Variants in SMAGP observed in about 807,000 individuals in gnomAD.
The protein encoded by SMAGP is small cell transmembrane and glycosylated protein.
A neutral mutation model predicts 10.1 loss-of-function variants in SMAGP; 7 were observed. The observed-to-expected ratio is 0.70, with a 90% CI of 0.40 to 1.31. SMAGP has a LOEUF of 1.31. Among genes scored for constraint, SMAGP ranks in the 50% most tolerant of loss-of-function variants. The probability of loss-of-function intolerance (pLI) is 0.01; values close to 1 mark genes in which losing one functional copy is unlikely to be tolerated. For synonymous variants in SMAGP, 49 were observed against 47.2 expected, an observed-to-expected ratio of 1.04 and a Z score of -0.16; for missense variants, 113 against 116.5, an observed-to-expected ratio of 0.97 and a Z score of 0.14.
chr12:51,247,902 C>T (rs1012707199), intron 2 of SMAGP, among the ~76,000 whole-genome samples: 1 of 152,162 alleles, frequency 6.6e-6, no homozygotes, highest in Non-Finnish European at 1.5e-5. Flanking sequence ...AGTGTGCAGC[C>T]GAGGGGCCTG....
chr12:51,268,584 T>TCCCTCCTCCC (rs1292354849), intron 2 of SMAGP, among the ~76,000 whole-genome samples: 90 of 22,194 alleles, frequency 4.1e-3, no homozygotes, highest in South Asian at 6.2e-3. Context: ...CTTCCTTTCC[T>TCCCTCCTCCC]TTCCTCCCTC....
chr12:51,260,908 G>T (rs972295195), intron 2 of SMAGP, among the ~76,000 whole-genome samples: 8 of 149,422 alleles, frequency 5.4e-5, no homozygotes, highest in African/African-American at 2.0e-4. Flanking sequence ...GGATGGTCTC[G>T]ATCTCCTGAC....
At chr12:51,252,124 C>T (rs1352715179) in intron 2 of SMAGP, among the ~76,000 whole-genome samples, 2 of 150,420 alleles carry the variant, frequency 1.3e-5, no homozygotes, top group East Asian at 1.9e-4. Context: ...GACAGAGTCT[C>T]GCTCTGTCAC....
intron 2 of SMAGP, among the ~76,000 whole-genome samples, chr12:51,263,185 C>T (rs4761966): frequency 0.66 from 100,498 of 151,842 alleles, 37,411 homozygotes; most frequent in Non-Finnish European, 0.85. Flanking sequence ...AAGTTCGAGA[C>T]CAGTCTGGCC....
In SMAGP at chr12:51,246,734, G is replaced by A; in HGVS notation, c.115+17C>T. On this transcript the variant is annotated intron_variant, in intron 3 of 3. Coordinates refer to ENST00000603798, the MANE Select transcript of SMAGP (RefSeq NM_001031628.2). ...TTGATCCAGAAGGTCCCTTGGAGTT[G>A]GCTCAGAGTCTATTACCTGCAATGA... 2 of 1,543,996 alleles carry A rather than the reference G, an allele frequency of 1.3e-6. No individual in the cohort carries two copies. Among genetic ancestry groups the A allele is most frequent in the South Asian group, 1.2e-5 (1 of 81,072 alleles).
In SMAGP at chr12:51,245,815, G is replaced by T. The variant is rs1944760501; in HGVS notation, c.*126C>A. The T allele has an allele frequency of 1.8e-6, 2 of 1,106,732 alleles. No homozygotes were observed. Among genetic ancestry groups the T allele is most frequent in the Non-Finnish European group, 2.5e-6 (2 of 784,746 alleles). The allele number at this position is 1,106,732 out of a possible 1,614,324, so 68.6% of individuals were successfully genotyped here. ...TGTCGGCATTTGGGACTGCGACCTG[G>T]CTGGAGCTTGGATTTGCCCACATCA... On this transcript the variant is annotated 3_prime_UTR_variant, in exon 4 of 4. Transcript: ENST00000603798.
chr12:51,250,783 C>T (rs961837050), intron 2 of SMAGP, among the ~76,000 whole-genome samples: 2 of 152,114 alleles, frequency 1.3e-5, no homozygotes, highest in Admixed American at 6.6e-5. Flanking sequence ...TTGAGCATGC[C>T]TCTCCTCTGG....
intron 2 of SMAGP, among the ~76,000 whole-genome samples, chr12:51,267,273 AAAT>A (rs1338890628): frequency 6.6e-6 from 1 of 152,074 alleles, no homozygotes; most frequent in Non-Finnish European, 1.5e-5. Flanking sequence ...CCTCCAGGGT[AAAT>A]CGTCTCTGTA....
Position 51,248,898 on chromosome 12 carries a change from CACAAAAAAAAAAA to C in SMAGP, c.35-2080_35-2068del, listed in dbSNP as rs1341888598. Among the ~76,000 whole-genome samples the C allele has an allele frequency of 1.0e-3, 55 of 53,782 alleles. 1 individual carries two copies. In the South Asian group the frequency reaches 0.023, roughly 22 times the overall value. 35.3% of individuals were successfully genotyped at this position (53,782 alleles called of 152,430 possible). A position where few individuals can be genotyped will look rare whatever the true frequency, so the allele number is the denominator to read the frequency against. On this transcript the variant is annotated intron_variant, in intron 2 of 3. Coordinates refer to ENST00000603798, the MANE Select transcript of SMAGP (RefSeq NM_001031628.2). ...GAAATCCTGTCTCTACCAAAAATAC[CACAAAAAAAAAAA>C]AAAAAAAAAAAAAAAAAAAATAGCC...
At chr12:51,252,671 G>A (rs1484658538) in intron 2 of SMAGP, among the ~76,000 whole-genome samples, 19 of 150,902 alleles carry the variant, frequency 1.3e-4, no homozygotes, top group Non-Finnish European at 2.1e-4. Flanking sequence ...GATTACAGGC[G>A]TGAGCCACAT....
chr12:51,264,351 A>T (rs1023668104), intron 2 of SMAGP, among the ~76,000 whole-genome samples: 10 of 152,244 alleles, frequency 6.6e-5, no homozygotes, highest in African/African-American at 2.2e-4. Flanking sequence ...TCAAGAATGC[A>T]GCCAGGTGAG....
At chr12:51,256,555 C>G (rs1456994172) in intron 2 of SMAGP, among the ~76,000 whole-genome samples, 4 of 152,070 alleles carry the variant, frequency 2.6e-5, no homozygotes, top group Non-Finnish European at 5.9e-5. Flanking sequence ...AACCCCATCT[C>G]TACTAAAAAT....
At chr12:51,257,176 G>A (rs554619179) in intron 2 of SMAGP, among the ~76,000 whole-genome samples, 1 of 152,294 alleles carries the variant, frequency 6.6e-6, no homozygotes, top group East Asian at 1.9e-4. Flanking sequence ...ATGCCAGCAT[G>A]TTTGCATACA....
At chr12:51,246,883 A>G in intron 2 of SMAGP, 52 bp from the exon 3 acceptor site, 1 of 1,417,008 alleles carries the variant, frequency 7.1e-7, no homozygotes, top group Non-Finnish European at 9.5e-7. Context: ...CTTTTGTTTG[A>G]AAGCATATGT....
At chr12:51,247,797 T>C in intron 2 of SMAGP, among the ~76,000 whole-genome samples, 1 of 152,010 alleles carries the variant, frequency 6.6e-6, no homozygotes, top group East Asian at 1.9e-4. Flanking sequence ...AGATGAAAGG[T>C]CGAGCAAAAC....
At chr12:51,256,881 C>A (rs1322959228) in intron 2 of SMAGP, among the ~76,000 whole-genome samples, 2 of 151,808 alleles carry the variant, frequency 1.3e-5, no homozygotes, top group Admixed American at 1.3e-4. Context: ...GGAGTAAGTG[C>A]AGATAAAGAG....
At chr12:51,264,649 AG>A (rs1592237571) in intron 2 of SMAGP, among the ~76,000 whole-genome samples, 1 of 148,302 alleles carries the variant, frequency 6.7e-6, no homozygotes, top group Non-Finnish European at 1.5e-5. Context: ...AAAAAAAAAA[AG>A]GTCAGGCACA....
At chr12:51,246,603 G>GGTGT (rs1555166530) in intron 3 of SMAGP, 148 bp downstream of exon 3, 1 of 344,728 alleles carries the variant, frequency 2.9e-6, no homozygotes, top group Non-Finnish European at 4.5e-6. Flanking sequence ...GTCTTTTATG[G>GGTGT]CTGTGTGTGT....
At position 51,245,788 on chromosome 12, in the gene SMAGP, G is replaced by T; in HGVS notation, c.*153C>A. 1.3e-6 allele frequency: 1 copy of T among 759,502 alleles called. No homozygotes were observed. Among genetic ancestry groups the T allele is most frequent in the Non-Finnish European group, 2.1e-6 (1 of 474,174 alleles). The allele number at this position is 759,502 out of a possible 1,614,324, so 47.0% of individuals were successfully genotyped here. On this transcript the variant is annotated 3_prime_UTR_variant, in exon 4 of 4. Transcript: ENST00000603798. ...CATGTCCCTGGTCCCTGGAGTCAGT[G>T]ATGTCGGCATTTGGGACTGCGACCT...
Sources: allele counts gnomAD v4.1 joint callset (sites outside exome capture counted in the v4.1 genomes callset), GRCh38; gene constraint gnomAD v4.1.1; transcripts MANE v1.5; gene names NCBI Gene and HGNC (gene_info 2026-07-23, HGNC 2026-07-21).